Variants in SOX5 observed in about 807,000 individuals in gnomAD.
The protein encoded by SOX5 is transcription factor SOX-5.
Under a neutral mutation model 92.0 loss-of-function variants are expected in SOX5, and 9 were observed. The observed-to-expected ratio is 0.10, with a 90% CI of 0.06 to 0.17. SOX5 has a LOEUF of 0.17. SOX5 is among the 10% of genes least tolerant of loss of function. The pLI is 1.00. For missense variants in SOX5, 642 were observed against 944.5 expected, an observed-to-expected ratio of 0.68 and a Z score of 4.20; for synonymous variants, 344 against 336.3, an observed-to-expected ratio of 1.02 and a Z score of -0.25.
intron 1 of SOX5, among the ~76,000 whole-genome samples, chr12:24,387,066 T>C (rs1453006735): frequency 2.0e-5 from 3 of 152,228 alleles, no homozygotes; most frequent in Non-Finnish European, 4.4e-5. Flanking sequence ...TACTGGTATA[T>C]ATTTAATGTA....
chr12:24,303,580 A>C (rs1389865206), intron 2 of SOX5, among the ~76,000 whole-genome samples: 1 of 152,240 alleles, frequency 6.6e-6, no homozygotes, highest in Non-Finnish European at 1.5e-5. Context: ...TATAAGTACT[A>C]TAATACAGGT....
intron 4 of SOX5, among the ~76,000 whole-genome samples, chr12:24,061,806 G>A (rs1468225661): frequency 4.7e-5 from 7 of 150,328 alleles, no homozygotes; most frequent in Non-Finnish European, 8.9e-5. Context: ...GCCCTATAAT[G>A]TAAGAAGCAA....
At chr12:23,932,626 T>C (rs1941695970) in intron 1 of SOX5, among the ~76,000 whole-genome samples, 1 of 151,666 alleles carries the variant, frequency 6.6e-6, no homozygotes, top group Non-Finnish European at 1.5e-5. Flanking sequence ...ATAGAGGTGT[T>C]CATTGTGTTA....
rs373879418 is a variant in SOX5, at chr12:24,273,340, C to A, written c.-77+3876G>T. On this transcript the variant is annotated intron_variant, in intron 3 of 4. Coordinates refer to the SOX5 transcript ENST00000446891. The stretch of plus-strand genomic sequence containing the variant: ...AAGATTTTGCTTTTGCTTTATAGGA[C>A]GATTTTTGATTACTGAATTAAATTT... Among the ~76,000 whole-genome samples the A allele has an allele frequency of 2.0e-5, 3 of 152,262 alleles. No individual in the cohort carries two copies. In the East Asian group the frequency reaches 5.8e-4, roughly 29 times the overall value.
chr12:24,389,822 C>A (rs1958807225), intron 1 of SOX5, among the ~76,000 whole-genome samples: 3 of 152,160 alleles, frequency 2.0e-5, no homozygotes, highest in Non-Finnish European at 4.4e-5. Flanking sequence ...AACAGCTGCC[C>A]ATTTTACATT....
chr12:24,520,433 A>G (rs979099688), intron 1 of SOX5, among the ~76,000 whole-genome samples: 2 of 152,270 alleles, frequency 1.3e-5, no homozygotes, highest in Non-Finnish European at 1.5e-5. Flanking sequence ...TAATGATAAG[A>G]TATTTTAAGC....
chr12:23,789,348 C>T (rs2095431756), intron 3 of SOX5, among the ~76,000 whole-genome samples: 2 of 151,984 alleles, frequency 1.3e-5, no homozygotes, highest in South Asian at 4.1e-4. Flanking sequence ...ATCCAAGGAA[C>T]ATGCGTTTTT....
intron 3 of SOX5, among the ~76,000 whole-genome samples, chr12:23,825,721 A>G (rs1034515966): frequency 2.0e-5 from 3 of 152,342 alleles, no homozygotes; most frequent in African/African-American, 7.2e-5. Context: ...AACAACAAAT[A>G]GATAATATTT....
intron 1 of SOX5, among the ~76,000 whole-genome samples, chr12:24,428,225 A>C (rs1966890828): frequency 1.3e-5 from 2 of 151,980 alleles, no homozygotes; most frequent in African/African-American, 2.4e-5. Flanking sequence ...AAAAAAAAAA[A>C]ACCTGAGTTT....
intron 4 of SOX5, among the ~76,000 whole-genome samples, chr12:24,199,602 C>T (rs1411469432): frequency 6.6e-6 from 1 of 152,140 alleles, no homozygotes; most frequent in Non-Finnish European, 1.5e-5. Context: ...AGAAATAACA[C>T]TAGTCTGTCT....
chr12:23,872,055 T>C (rs1044919720), intron 2 of SOX5, among the ~76,000 whole-genome samples: 10 of 150,802 alleles, frequency 6.6e-5, no homozygotes, highest in African/African-American at 2.2e-4. Flanking sequence ...TGGAGTGCAG[T>C]GGCGCCATCT....
At chr12:23,860,095 T>A (rs1012800630) in intron 2 of SOX5, among the ~76,000 whole-genome samples, 2 of 152,044 alleles carry the variant, frequency 1.3e-5, no homozygotes, top group South Asian at 4.1e-4. Context: ...AGCTAAATGA[T>A]AAGAACTTAT....
intron 4 of SOX5, among the ~76,000 whole-genome samples, chr12:24,190,307 AT>A (rs1338703985): frequency 1.3e-5 from 2 of 152,228 alleles, no homozygotes; most frequent in Non-Finnish European, 2.9e-5. Context: ...GCATACATAT[AT>A]ATGTTTAAAG....
At chr12:24,325,934 G>C (rs1950638200) in intron 2 of SOX5, among the ~76,000 whole-genome samples, 1 of 152,174 alleles carries the variant, frequency 6.6e-6, no homozygotes, top group Non-Finnish European at 1.5e-5. Flanking sequence ...TAGATAAGAT[G>C]TTCGGTACTT....
At chr12:23,584,367 CTG>C (rs1337310160) in intron 9 of SOX5, among the ~76,000 whole-genome samples, 1 of 152,154 alleles carries the variant, frequency 6.6e-6, no homozygotes, top group Non-Finnish European at 1.5e-5. Flanking sequence ...CTATGGCTCT[CTG>C]AGAGATTTAT....
chr12:24,333,947 T>C (rs1415801868), intron 2 of SOX5, among the ~76,000 whole-genome samples: 2 of 150,798 alleles, frequency 1.3e-5, no homozygotes, highest in African/African-American at 4.9e-5. Context: ...GGTGCAAGAA[T>C]CAATAATCAG....
intron 5 of SOX5, among the ~76,000 whole-genome samples, chr12:23,735,903 G>C (rs2093574168): frequency 6.6e-6 from 1 of 152,038 alleles, no homozygotes; most frequent in Non-Finnish European, 1.5e-5. Context: ...ACATCTTTCT[G>C]TCTCCTAGGG....
chr12:24,143,360 G>A (rs1363299611), intron 4 of SOX5, among the ~76,000 whole-genome samples: 2 of 152,006 alleles, frequency 1.3e-5, no homozygotes, highest in Non-Finnish European at 2.9e-5. Context: ...CCTACAATTA[G>A]AAGAAAAATT....
At chr12:23,795,811 T>C (rs1194099396) in intron 3 of SOX5, among the ~76,000 whole-genome samples, 1 of 152,156 alleles carries the variant, frequency 6.6e-6, no homozygotes, top group Admixed American at 6.6e-5. Context: ...CATATGTATG[T>C]ATATGAAATA....
Sources: allele counts gnomAD v4.1 joint callset (sites outside exome capture counted in the v4.1 genomes callset), GRCh38; gene constraint gnomAD v4.1.1; transcripts MANE v1.5; gene names NCBI Gene and HGNC (gene_info 2026-07-23, HGNC 2026-07-21).